Variants in TMED3 observed in about 807,000 individuals in gnomAD.
The protein encoded by TMED3 is transmembrane p24 trafficking protein 3.
A neutral mutation model predicts 15.0 loss-of-function variants in TMED3; 9 were observed. That is an observed-to-expected ratio of 0.60 (90% CI 0.36 to 1.04). The LOEUF (loss-of-function observed/expected upper bound fraction) is 1.04, where lower values mean the gene tolerates loss of function less well. Ranked by LOEUF, TMED3 falls within the 50% of genes least tolerant of loss-of-function variation. The pLI is 0.01. For synonymous variants in TMED3, 117 were observed against 121.4 expected, an observed-to-expected ratio of 0.96 and a Z score of 0.24; for missense variants, 267 against 278.9, an observed-to-expected ratio of 0.96 and a Z score of 0.30.
intron 2 of TMED3, among the ~76,000 whole-genome samples, chr15:79,395,650 C>T (rs1247914563): frequency 3.3e-5 from 5 of 152,084 alleles, no homozygotes; most frequent in African/African-American, 4.8e-5. Flanking sequence ...CCCTTTAACA[C>T]GAAAATATCA....
chr15:79,398,414 C>T (rs982626095), intron 2 of TMED3, among the ~76,000 whole-genome samples: 16 of 151,238 alleles, frequency 1.1e-4, no homozygotes, highest in Non-Finnish European at 5.9e-5. Context: ...CTGCCTGCCC[C>T]AGCCTCCCTT....
chr15:79,335,642 T>G (rs927057893), intron 2 of TMED3, among the ~76,000 whole-genome samples: 1 of 152,198 alleles, frequency 6.6e-6, no homozygotes, highest in Non-Finnish European at 1.5e-5. Context: ...AGGGCAGGTT[T>G]TCAAGCATTT....
chr15:79,393,018 T>G (rs6495404), intron 2 of TMED3, among the ~76,000 whole-genome samples: 1 of 152,206 alleles, frequency 6.6e-6, no homozygotes, highest in African/African-American at 2.4e-5. Flanking sequence ...CTCCCTTCTC[T>G]CTTATCACTA....
intron 2 of TMED3, 94 bp from the exon 3 acceptor site, chr15:79,321,884 A>C: frequency 7.0e-7 from 1 of 1,430,620 alleles, no homozygotes; most frequent in Non-Finnish European, 9.6e-7. Flanking sequence ...TTCAGTGGAT[A>C]TCACCTAGGA....
chr15:79,383,002 T>G, intron 2 of TMED3: 1 of 1,535,462 alleles, frequency 6.5e-7, no homozygotes, highest in Non-Finnish European at 8.7e-7. Context: ...ACGCCACCAC[T>G]AAGGGTTCCA....
At chr15:79,398,135 C>G (rs1893785957) in intron 2 of TMED3, among the ~76,000 whole-genome samples, 1 of 152,086 alleles carries the variant, frequency 6.6e-6, no homozygotes, top group Non-Finnish European at 1.5e-5. Flanking sequence ...TGCGCTCTAC[C>G]TATTCATCCC....
At chr15:79,399,050 A>G in intron 2 of TMED3, among the ~76,000 whole-genome samples, 1 of 152,150 alleles carries the variant, frequency 6.6e-6, no homozygotes, top group Admixed American at 6.5e-5. Flanking sequence ...AGCTGGAATT[A>G]CAGGTGCATG....
intron 2 of TMED3, among the ~76,000 whole-genome samples, chr15:79,401,751 A>G (rs1005256591): frequency 6.6e-6 from 1 of 152,190 alleles, no homozygotes; most frequent in Non-Finnish European, 1.5e-5. Context: ...GAAAAGAGAA[A>G]CGAGGGTGGA....
intron 2 of TMED3, among the ~76,000 whole-genome samples, chr15:79,354,980 C>T (rs138958817): frequency 8.5e-5 from 13 of 152,258 alleles, no homozygotes; most frequent in African/African-American, 2.2e-4. Flanking sequence ...AAGGCCAGGA[C>T]GAATCAGGAG....
At chr15:79,346,508 C>CA (rs1465858343) in intron 2 of TMED3, among the ~76,000 whole-genome samples, 6 of 152,186 alleles carry the variant, frequency 3.9e-5, no homozygotes, top group Non-Finnish European at 1.5e-5. Context: ...GCTCCTCTTT[C>CA]ACCTTCCACC....
intron 2 of TMED3, among the ~76,000 whole-genome samples, chr15:79,335,875 A>G (rs2058825212): frequency 6.6e-6 from 1 of 152,198 alleles, no homozygotes; most frequent in Non-Finnish European, 1.5e-5. Flanking sequence ...CTAGGCACCA[A>G]CCACAGTTCT....
intron 2 of TMED3, among the ~76,000 whole-genome samples, chr15:79,386,374 T>C (rs78620866): frequency 6.6e-6 from 1 of 152,216 alleles, no homozygotes; most frequent in African/African-American, 2.4e-5. Flanking sequence ...TCCTCATCTC[T>C]ACCTCACTAG....
chr15:79,355,043 C>A (rs1334653924), intron 2 of TMED3, among the ~76,000 whole-genome samples: 1 of 152,198 alleles, frequency 6.6e-6, no homozygotes, highest in Non-Finnish European at 1.5e-5. Context: ...ATCCCTGCCA[C>A]TGGGTTTACA....
intron 2 of TMED3, among the ~76,000 whole-genome samples, chr15:79,388,183 A>G (rs531835960): frequency 6.6e-6 from 1 of 151,970 alleles, no homozygotes; most frequent in African/African-American, 2.4e-5. Flanking sequence ...AGAAGGAAAA[A>G]CCTTCAGTAT....
intron 2 of TMED3, chr15:79,383,130 G>C: frequency 9.4e-7 from 1 of 1,067,966 alleles, no homozygotes; most frequent in Non-Finnish European, 1.4e-6. Flanking sequence ...TACTGCCATG[G>C]TGCACTTCAC....
At chr15:79,356,662 G>A (rs2058920373) in intron 2 of TMED3, among the ~76,000 whole-genome samples, 1 of 152,174 alleles carries the variant, frequency 6.6e-6, no homozygotes, top group South Asian at 2.1e-4. Context: ...TCAGGGGATG[G>A]GGGAGGTCTA....
chr15:79,348,447 C>T (rs1194626556), intron 2 of TMED3, among the ~76,000 whole-genome samples: 1 of 152,154 alleles, frequency 6.6e-6, no homozygotes, highest in African/African-American at 2.4e-5. Context: ...CATAAGAATG[C>T]TGATGGAAAT....
At chr15:79,353,575 T>TACACAC (rs55929180) in intron 2 of TMED3, among the ~76,000 whole-genome samples, 39,564 of 135,340 alleles carry the variant, frequency 0.29, 5,946 homozygotes, top group South Asian at 0.34. Flanking sequence ...GGGTTAAAAA[T>TACACAC]ACACACACAC....
At chr15:79,320,185 A>T (rs2058760016) in intron 2 of TMED3, among the ~76,000 whole-genome samples, 1 of 152,206 alleles carries the variant, frequency 6.6e-6, no homozygotes, top group African/African-American at 2.4e-5. Flanking sequence ...TAGACCAAGG[A>T]GCCCTCTGGC....
Sources: gnomAD v4.1 joint callset for allele counts (sites outside exome capture counted in the v4.1 genomes callset) on GRCh38, gnomAD v4.1.1 for gene constraint, MANE v1.5 for transcripts, NCBI Gene and HGNC (gene_info 2026-07-23, HGNC 2026-07-21) for gene names.